The following UBE2L6 variants were observed in gnomAD, a reference collection of about 807,000 sequenced individuals.
UBE2L6 encodes ubiquitin/ISG15-conjugating enzyme E2 L6.
A neutral mutation model predicts 13.6 loss-of-function variants in UBE2L6; 11 were observed. The ratio of observed to expected loss-of-function variants is 0.81; its 90% CI spans 0.51 to 1.34. The LOEUF (loss-of-function observed/expected upper bound fraction) is 1.34, where lower values mean the gene tolerates loss of function less well. Among genes scored for constraint, UBE2L6 ranks in the 40% most tolerant of loss-of-function variants. The pLI is 0.00. For missense variants in UBE2L6, 197 were observed against 199.5 expected (o/e 0.99, Z 0.07); for synonymous variants, 74 against 83.2 (o/e 0.89, Z 0.60).
At chr11:57,555,650 C>G (rs1944991666) in intron 2 of UBE2L6, among the ~76,000 whole-genome samples, 1 of 152,302 alleles carries the variant, frequency 6.6e-6, no homozygotes, top group Non-Finnish European at 1.5e-5. Context: ...TATCATTGCT[C>G]ACTGTAATCT....
intron 1 of UBE2L6, among the ~76,000 whole-genome samples, chr11:57,561,677 T>C (rs548499917): frequency 2.2e-4 from 34 of 152,316 alleles, no homozygotes; most frequent in Middle Eastern, 3.4e-3. Context: ...CAAGGTCAAG[T>C]ACATTTGGTA....
At chr11:57,561,550 T>C (rs1016004223) in intron 1 of UBE2L6, among the ~76,000 whole-genome samples, 1 of 151,952 alleles carries the variant, frequency 6.6e-6, no homozygotes, top group Non-Finnish European at 1.5e-5. Flanking sequence ...CCATGCAGAA[T>C]GAACAGGAAT....
At position 57,551,826 on chromosome 11, in the gene UBE2L6, G is replaced by A. The variant is rs1944961268; in HGVS notation, c.*532C>T. Reference sequence around the variant, plus strand: ...AAACATATAGATTTTCAGGATGGAAGTTTGATTCTTCAGATTGTGACTCAT... The same window carrying A: ...AAACATATAGATTTTCAGGATGGAAATTTGATTCTTCAGATTGTGACTCAT... On this transcript the variant is annotated 3_prime_UTR_variant, in exon 4 of 4. Transcript: ENST00000287156. The A allele has an allele frequency of 6.5e-6, 1 of 152,750 alleles. No homozygotes were observed. The highest frequency in any genetic ancestry group is 1.5e-5 in the Non-Finnish European group (1 of 68,474). 9.5% of individuals were successfully genotyped at this position (152,750 alleles called of 1,614,324 possible).
chr11:57,566,106 G>A (rs1945089542), intron 1 of UBE2L6, among the ~76,000 whole-genome samples: 1 of 152,100 alleles, frequency 6.6e-6, no homozygotes, highest in African/African-American at 2.4e-5. Flanking sequence ...TATCATCTGT[G>A]ACTCTTTGGC....
At chr11:57,567,495 T>C (rs1590812713) in intron 1 of UBE2L6, 90 bp downstream of exon 1, 1 of 1,540,600 alleles carries the variant, frequency 6.5e-7, no homozygotes, top group Non-Finnish European at 8.8e-7. Context: ...TAAATAAATG[T>C]GCTCGGAGAG....
intron 1 of UBE2L6, among the ~76,000 whole-genome samples, chr11:57,561,536 T>C (rs984515737): frequency 1.3e-5 from 2 of 152,110 alleles, no homozygotes. Context: ...CTCTGTGAGC[T>C]GGGCCATGCA....
At chr11:57,554,887 A>G (rs755120905) in intron 2 of UBE2L6, among the ~76,000 whole-genome samples, 26 of 146,360 alleles carry the variant, frequency 1.8e-4, no homozygotes, top group Non-Finnish European at 3.2e-4. Context: ...TCTAGGCCTC[A>G]GTTTCCTCAT....
intron 1 of UBE2L6, among the ~76,000 whole-genome samples, chr11:57,561,259 G>T (rs190771062): frequency 6.6e-6 from 1 of 152,162 alleles, no homozygotes; most frequent in Admixed American, 6.5e-5. Context: ...TAGCAGAGAA[G>T]AACTCTACAC....
At position 57,552,415 on chromosome 11, in the gene UBE2L6, C is replaced by T; in HGVS notation, c.405G>A (p.Leu135=). ...TGAACTCTTCGGCATTCTTTCTGAA[C>T]AGCTCCGGATTCTGTGTCAGCAGGT... ...LADLLTQNPE[L]FRKNAEEFTL... Residue 135 remains leucine (L), a synonymous_variant, in exon 4 of 4, where the codon CTG becomes CTA. Coordinates refer to ENST00000287156, the MANE Select transcript of UBE2L6 (RefSeq NM_004223.5). 3 of 1,614,182 alleles carry T rather than the reference C, an allele frequency of 1.9e-6. No homozygotes were observed. The highest frequency in any genetic ancestry group is 2.5e-6 in the Non-Finnish European group (3 of 1,180,032).
Position 57,552,326 on chromosome 11 carries a change from A to G in UBE2L6, c.*32T>C, listed in dbSNP as rs765183854. ...TGAGGTGTGTCCGTCCGCTATGCCG[A>G]GGATCCAGTGCACAGAGGGTCAGAA... On this transcript the variant is annotated 3_prime_UTR_variant, in exon 4 of 4. Transcript: ENST00000287156. 265 of 1,612,466 alleles carry G rather than the reference A, an allele frequency of 1.6e-4. No individual in the cohort carries two copies. The highest frequency in any genetic ancestry group is 2.2e-4 in the Non-Finnish European group (258 of 1,178,884).
rs1195794969 is a variant in UBE2L6 at position 57,554,571 on chromosome 11, G to A, written c.176C>T (p.Pro59Leu). The change falls in exon 3 of 4, where the codon CCG becomes CTG. Residue 59 changes from proline to leucine, a missense_variant. Physicochemically the swap from Pro to Leu is moderately conservative, Grantham distance 98. Coordinates refer to ENST00000287156, the MANE Select transcript of UBE2L6 (RefSeq NM_004223.5). ...KAFNLRISFP[P>L]EYPFKPPMIK... The stretch of plus-strand genomic sequence containing the variant: ...CATGGGAGGCTTGAACGGATACTCC[G>A]GCGGGAAGCTGATGCGCAGGTTGAA... The A allele has an allele frequency of 5.6e-6, 9 of 1,614,134 alleles. No homozygotes were observed. The highest frequency in any genetic ancestry group is 5.5e-5 in the South Asian group (5 of 91,078).
chr11:57,564,424 T>C (rs2135282427), intron 1 of UBE2L6, among the ~76,000 whole-genome samples: 1 of 152,316 alleles, frequency 6.6e-6, no homozygotes, highest in South Asian at 2.1e-4. Context: ...AGCTGAGAGA[T>C]ACCATCGACA....
rs1944966684 is a variant in UBE2L6 at position 57,552,461 on chromosome 11, G to A, written c.359C>T (p.Pro120Leu). Residue 120 changes from proline (P) to leucine (L), a missense_variant, in exon 4 of 4, where the codon CCC becomes CTC. Coordinates refer to ENST00000287156, the MANE Select transcript of UBE2L6 (RefSeq NM_004223.5). ...VLVNRPNIRE[P>L]LRMDLADLLT... ...CAGGTCAGCGAGGTCCATCCGCAGG[G>A]GCTCCCTGATATTCGGTCTATTCAC... 2 of 1,614,040 alleles carry A rather than the reference G, an allele frequency of 1.2e-6. No individual in the cohort carries two copies. The highest frequency in any genetic ancestry group is 3.3e-5 in the Admixed American group (2 of 59,986).
chr11:57,552,282 G>A lies in UBE2L6; in HGVS notation c.*76C>T. ...AAATGAATGGGGAATGGGCCACAGGGGGCTCTGGCCTCAGTCCATGAGGTG... is the reference window on the plus strand; with the variant it reads ...AAATGAATGGGGAATGGGCCACAGGAGGCTCTGGCCTCAGTCCATGAGGTG... On this transcript the variant is annotated 3_prime_UTR_variant, in exon 4 of 4. Transcript: ENST00000287156. 1 of 1,559,864 alleles carries A rather than the reference G, an allele frequency of 6.4e-7. No individual in the cohort carries two copies. Among genetic ancestry groups the A allele is most frequent in the Non-Finnish European group, 8.8e-7 (1 of 1,142,644 alleles).
At chr11:57,558,560 T>C (rs889823545) in intron 2 of UBE2L6, among the ~76,000 whole-genome samples, 2 of 152,162 alleles carry the variant, frequency 1.3e-5, no homozygotes, top group African/African-American at 4.8e-5. Context: ...CCTCACTGGA[T>C]GGTTGAGAGG....
At chr11:57,557,077 A>T (rs899553645) in intron 2 of UBE2L6, among the ~76,000 whole-genome samples, 6 of 151,806 alleles carry the variant, frequency 4.0e-5, no homozygotes, top group Non-Finnish European at 7.4e-5. Context: ...CAAAAAAAAA[A>T]AAAAGGAAAG....
At chr11:57,558,317 G>A (rs1045280472) in intron 2 of UBE2L6, among the ~76,000 whole-genome samples, 5 of 152,156 alleles carry the variant, frequency 3.3e-5, no homozygotes, top group African/African-American at 1.2e-4. Context: ...GACCTCCAGT[G>A]ATCCACCCAC....
chr11:57,566,139 CGGA>C (rs1565161644), intron 1 of UBE2L6, among the ~76,000 whole-genome samples: 3 of 152,146 alleles, frequency 2.0e-5, no homozygotes, highest in Non-Finnish European at 1.5e-5. Flanking sequence ...CAGGGCTGAC[CGGA>C]GAAGATCTGG....
At chr11:57,565,875 G>A (rs1409193634) in intron 1 of UBE2L6, among the ~76,000 whole-genome samples, 1 of 152,064 alleles carries the variant, frequency 6.6e-6, no homozygotes, top group Admixed American at 6.6e-5. Context: ...CCACAAGTGG[G>A]GAGGGGTCCT....
Sources: gnomAD v4.1 joint callset for allele counts (sites outside exome capture counted in the v4.1 genomes callset) on GRCh38, gnomAD v4.1.1 for gene constraint, MANE v1.5 for transcripts, NCBI Gene and HGNC (gene_info 2026-07-23, HGNC 2026-07-21) for gene names.